Variants in PARVB observed in about 807,000 individuals in gnomAD.
PARVB encodes the protein beta-parvin.
In PARVB, 46 loss-of-function variants were observed where a neutral mutation model predicts 47.0. That is an observed-to-expected ratio of 0.98 (90% CI 0.77 to 1.25). The LOEUF is 1.25. PARVB is among the 50% of genes most tolerant of loss of function. The pLI is 0.00. For missense variants in PARVB, 473 were observed against 471.6 expected, an observed-to-expected ratio of 1.00 and a Z score of -0.03; for synonymous variants, 196 against 196.3, an observed-to-expected ratio of 1.00 and a Z score of 0.01.
At chr22:44,078,892 T>A (rs922666359) in intron 1 of PARVB, among the ~76,000 whole-genome samples, 6 of 152,072 alleles carry the variant, frequency 3.9e-5, no homozygotes, top group African/African-American at 1.2e-4. Flanking sequence ...GTGCAGCTAA[T>A]TTTTTTGTAT....
intron 6 of PARVB, among the ~76,000 whole-genome samples, 172 bp downstream of exon 6, chr22:44,133,181 C>A (rs1055927489): frequency 6.6e-6 from 1 of 151,824 alleles, no homozygotes; most frequent in Non-Finnish European, 1.5e-5. Context: ...ATGATTGGAA[C>A]GGGAACAATG....
At chr22:44,151,428 A>T in intron 9 of PARVB, 55 bp from the exon 10 acceptor site, 1 of 1,347,688 alleles carries the variant, frequency 7.4e-7, no homozygotes, top group Non-Finnish European at 1.1e-6. Flanking sequence ...GCCCCTCCAG[A>T]TGGGACCTGC....
At chr22:44,114,233 A>G (rs1301439115) in intron 3 of PARVB, 1 of 144,350 alleles carries the variant, frequency 6.9e-6, no homozygotes. Flanking sequence ...AAGGCCCTGC[A>G]CCAACACAGA....
At chr22:44,007,469 CT>C (rs2050477944) in intron 2 of PARVB, among the ~76,000 whole-genome samples, 1 of 152,192 alleles carries the variant, frequency 6.6e-6, no homozygotes. Flanking sequence ...TGTTCACCCT[CT>C]TCTGCCTCTG....
chr22:44,104,394 G>C (rs1452184948), intron 3 of PARVB: 3 of 152,312 alleles, frequency 2.0e-5, no homozygotes, highest in African/African-American at 4.8e-5. Flanking sequence ...TACTGTAGTG[G>C]TGGCACAGAG....
intron 1 of PARVB, among the ~76,000 whole-genome samples, chr22:44,056,586 G>A (rs868084299): frequency 8.5e-5 from 13 of 152,064 alleles, no homozygotes; most frequent in Admixed American, 2.0e-4. Flanking sequence ...GCTCACTATA[G>A]CCTCGACCCT....
At chr22:44,025,676 C>T (rs1410571143) in intron 1 of PARVB, among the ~76,000 whole-genome samples, 1 of 152,086 alleles carries the variant, frequency 6.6e-6, no homozygotes, top group African/African-American at 2.4e-5. Context: ...TTGTATTGGT[C>T]GGTGTTGGTC....
intron 2 of PARVB, among the ~76,000 whole-genome samples, chr22:44,096,679 G>T (rs1170102129): frequency 6.6e-6 from 1 of 152,248 alleles, no homozygotes; most frequent in East Asian, 1.9e-4. Context: ...CGGGCATTTT[G>T]CCCCCAGAGC....
intron 8 of PARVB, chr22:44,144,896 A>G (rs920581355): frequency 6.6e-6 from 1 of 151,972 alleles, no homozygotes; most frequent in Non-Finnish European, 1.5e-5. Context: ...ATTCCTGCAG[A>G]TTGAGCTTGG....
chr22:44,137,632 C>T (rs1194119729), intron 7 of PARVB, among the ~76,000 whole-genome samples: 1 of 152,180 alleles, frequency 6.6e-6, no homozygotes, highest in Admixed American at 6.5e-5. Context: ...TGGGGTTGCT[C>T]ATATGATGCA....
Position 44,132,891 on chromosome 22 carries a change from C to G in PARVB, c.518-3C>G, listed in dbSNP as rs773501967. 3.7e-6 allele frequency: 6 copies of G among 1,606,220 alleles called. 1 individual carries two copies. The East Asian group carries it at 1.3e-4, about 36-fold the overall frequency. ...GCGTCTCCCTTCCTCCTTCCTCCTGCAGCAATTCACGGGAAGAACCTGGTG... is the reference window on the plus strand; with the variant it reads ...GCGTCTCCCTTCCTCCTTCCTCCTGGAGCAATTCACGGGAAGAACCTGGTG... On this transcript the variant is annotated splice_polypyrimidine_tract_variant and splice_region_variant and intron_variant, in intron 5 of 12. Coordinates refer to ENST00000338758, the MANE Select transcript of PARVB (RefSeq NM_013327.5).
intron 3 of PARVB, 111 bp downstream of exon 3, chr22:44,100,234 G>T: frequency 2.4e-6 from 2 of 822,040 alleles, no homozygotes; most frequent in Non-Finnish European, 4.2e-6. Context: ...TGAAAGGGAT[G>T]TTGGTGCTGC....
At chr22:44,127,548 TC>T (rs1444557964) in intron 4 of PARVB, among the ~76,000 whole-genome samples, 1 of 152,158 alleles carries the variant, frequency 6.6e-6, no homozygotes, top group African/African-American at 2.4e-5. Context: ...CTTCTGTGCA[TC>T]CGTAGTAGAG....
At chr22:44,127,252 CT>C (rs133910) in intron 4 of PARVB, among the ~76,000 whole-genome samples, 55,444 of 149,958 alleles carry the variant, frequency 0.37, 10,292 homozygotes, top group Middle Eastern at 0.42. Context: ...ATTAAAACCA[CT>C]TTTTTTTTTT....
chr22:44,154,403 C>T (rs890692783), intron 10 of PARVB, among the ~76,000 whole-genome samples: 1 of 152,024 alleles, frequency 6.6e-6, no homozygotes, highest in African/African-American at 2.4e-5. Context: ...CCCTAGGAGT[C>T]GGAGAGGCCC....
At chr22:44,165,882 T>G (rs1236132826) in intron 12 of PARVB, among the ~76,000 whole-genome samples, 1 of 152,226 alleles carries the variant, frequency 6.6e-6, no homozygotes, top group East Asian at 1.9e-4. Flanking sequence ...CTGCTGATGG[T>G]GGCTGCTAGC....
chr22:44,159,960 A>G (rs2054016956), intron 11 of PARVB, among the ~76,000 whole-genome samples: 1 of 152,188 alleles, frequency 6.6e-6, no homozygotes, highest in Admixed American at 6.5e-5. Flanking sequence ...AAAACCAGAG[A>G]TGCGTCATGA....
intron 12 of PARVB, among the ~76,000 whole-genome samples, chr22:44,164,643 C>G (rs895569541): frequency 2.6e-5 from 4 of 152,162 alleles, no homozygotes; most frequent in Non-Finnish European, 4.4e-5. Context: ...CTTTGCCATG[C>G]AGGAGGAGCC....
intron 4 of PARVB, among the ~76,000 whole-genome samples, chr22:44,122,524 G>GAGAGAC (rs1569134319): frequency 2.5e-5 from 2 of 79,942 alleles, no homozygotes. Flanking sequence ...GAGAGACAGA[G>GAGAGAC]AGACAGAGAG....
Sources: allele counts gnomAD v4.1 joint callset (sites outside exome capture counted in the v4.1 genomes callset), GRCh38; gene constraint gnomAD v4.1.1; transcripts MANE v1.5; gene names NCBI Gene and HGNC (gene_info 2026-07-23, HGNC 2026-07-21).